The following KCNIP4 variants were observed in gnomAD, a reference collection of about 807,000 sequenced individuals.
KCNIP4 encodes the protein potassium voltage-gated channel interacting protein 4, also known as Kv channel-interacting protein 4.
Under a neutral mutation model 34.0 loss-of-function variants are expected in KCNIP4, and 12 were observed. The observed-to-expected ratio is 0.35, with a 90% CI of 0.23 to 0.57. KCNIP4 has a LOEUF of 0.57. KCNIP4 is among the 20% of genes least tolerant of loss of function. The pLI is 0.83. For synonymous variants in KCNIP4, 124 were observed against 102.2 expected (o/e 1.21, Z -1.29); for missense variants, 238 against 311.7 (o/e 0.76, Z 1.78).
chr4:21,029,474 A>G (rs1740825067), intron 1 of KCNIP4, among the ~76,000 whole-genome samples: 1 of 152,202 alleles, frequency 6.6e-6, no homozygotes, highest in Non-Finnish European at 1.5e-5. Context: ...TGCAAATTCT[A>G]AGTTATGGAC....
intron 1 of KCNIP4, among the ~76,000 whole-genome samples, chr4:21,165,568 T>C (rs1560775108): frequency 6.6e-6 from 1 of 151,234 alleles, no homozygotes; most frequent in Non-Finnish European, 1.5e-5. Context: ...GCATCATAGA[T>C]CTAAATATAA....
intron 1 of KCNIP4, among the ~76,000 whole-genome samples, chr4:21,559,358 C>T (rs192357776): frequency 6.6e-6 from 1 of 152,224 alleles, no homozygotes; most frequent in African/African-American, 2.4e-5. Context: ...TGCTTTTATT[C>T]ATTCGATGAT....
At chr4:21,202,251 C>T (rs1455599697) in intron 1 of KCNIP4, among the ~76,000 whole-genome samples, 4 of 152,214 alleles carry the variant, frequency 2.6e-5, no homozygotes, top group Admixed American at 1.3e-4. Flanking sequence ...TGCAGCCATA[C>T]AAAAGAGCAA....
chr4:21,222,845 T>C (rs1306086931), intron 1 of KCNIP4, among the ~76,000 whole-genome samples: 1 of 152,192 alleles, frequency 6.6e-6, no homozygotes, highest in Non-Finnish European at 1.5e-5. Flanking sequence ...TGTTTTGCAA[T>C]ATTGCCTACC....
chr4:21,502,102 C>T (rs969293820), intron 1 of KCNIP4, among the ~76,000 whole-genome samples: 4 of 151,606 alleles, frequency 2.6e-5, no homozygotes, highest in African/African-American at 9.7e-5. Flanking sequence ...CCCTGGAGTC[C>T]CCAAATTAAG....
intron 1 of KCNIP4, among the ~76,000 whole-genome samples, chr4:21,192,940 CTACTACTACTACTAA>C (rs1755769446): frequency 6.9e-6 from 1 of 145,248 alleles, no homozygotes. Context: ...ACTACTACTA[CTACTACTACTACTAA>C]TAATAATAAT....
chr4:21,501,688 T>TTGTGTGTGTATGTGTGTGTGTGTGTGTG lies in KCNIP4; in HGVS notation c.61+446882_61+446883insCACACACACACACACACATACACACACA, dbSNP rs1553893353. Among the ~76,000 whole-genome samples, 168 of 127,318 alleles carry TTGTGTGTGTATGTGTGTGTGTGTGTGTG rather than the reference T, an allele frequency of 1.3e-3. 1 individual carries two copies. The South Asian group carries it at 0.014, about 11-fold the overall frequency. 83.5% of individuals were successfully genotyped at this position (127,318 alleles called of 152,430 possible). On this transcript the variant is annotated intron_variant, in intron 1 of 8. Transcript: ENST00000382152. ...TTCACATTTTGGGAATGCAGAAGCC[T>TTGTGTGTGTATGTGTGTGTGTGTGTGTG]TGTGTGTGTGTGTGTGTGTGTGTGT...
chr4:20,895,067 T>C (rs7661379), intron 1 of KCNIP4, among the ~76,000 whole-genome samples: 2,900 of 152,314 alleles, frequency 0.019, 104 homozygotes, highest in African/African-American at 0.065. Flanking sequence ...ATGTGAACAC[T>C]TGTTCATCTG....
At chr4:21,132,760 G>A (rs1751170009) in intron 1 of KCNIP4, among the ~76,000 whole-genome samples, 1 of 151,096 alleles carries the variant, frequency 6.6e-6, no homozygotes, top group African/African-American at 2.4e-5. Context: ...TGTAATCCTA[G>A]CACTTTGGGA....
chr4:21,281,480 T>C (rs1269979928), intron 1 of KCNIP4, among the ~76,000 whole-genome samples: 1 of 152,184 alleles, frequency 6.6e-6, no homozygotes, highest in African/African-American at 2.4e-5. Context: ...ATCTGATTGA[T>C]GTGTCAAGTT....
At chr4:21,449,636 G>GTATATATATATATATATATGTA (rs200001446) in intron 1 of KCNIP4, among the ~76,000 whole-genome samples, 19 of 147,424 alleles carry the variant, frequency 1.3e-4, no homozygotes, top group African/African-American at 4.2e-4. Flanking sequence ...TTATATATAT[G>GTATATATATATATATATATGTA]TATATATATA....
chr4:20,751,930 G>GC (rs1159275959), intron 4 of KCNIP4, among the ~76,000 whole-genome samples: 1 of 152,072 alleles, frequency 6.6e-6, no homozygotes, highest in Non-Finnish European at 1.5e-5. Context: ...GAGTCAGACT[G>GC]CCTGAATTTC....
chr4:21,783,026 G>A (rs964799038), intron 1 of KCNIP4, among the ~76,000 whole-genome samples: 3 of 152,136 alleles, frequency 2.0e-5, no homozygotes, highest in Admixed American at 2.0e-4. Context: ...AGGAGGTGGA[G>A]GTAATGATAA....
chr4:21,385,461 C>A (rs767151242), intron 1 of KCNIP4, among the ~76,000 whole-genome samples: 1 of 152,070 alleles, frequency 6.6e-6, no homozygotes, highest in South Asian at 2.1e-4. Flanking sequence ...TACCGGAATG[C>A]CTGTATTTGA....
intron 1 of KCNIP4, among the ~76,000 whole-genome samples, chr4:21,410,296 C>T (rs1724375130): frequency 6.6e-6 from 1 of 152,164 alleles, no homozygotes; most frequent in African/African-American, 2.4e-5. Flanking sequence ...ACGGTCTTGC[C>T]TTGCACAGGT....
rs548644120 is a variant in KCNIP4 at position 21,150,751 on chromosome 4, G to T, written c.62-268042C>A. The stretch of plus-strand genomic sequence containing the variant: ...TACTAGCCCCACATTCTGTAATTCT[G>T]CCCTGGCAGAAAAATGGACCTAAAT... On this transcript the variant is annotated intron_variant, in intron 1 of 8. Coordinates refer to ENST00000382152, the MANE Select transcript of KCNIP4 (RefSeq NM_025221.6). Among the ~76,000 whole-genome samples, 8 of 152,276 alleles carry T rather than the reference G, an allele frequency of 5.3e-5. No individual in the cohort carries two copies. The South Asian group carries it at 1.7e-3, about 32-fold the overall frequency.
intron 1 of KCNIP4, among the ~76,000 whole-genome samples, chr4:21,640,484 T>C (rs921827090): frequency 1.3e-5 from 2 of 152,128 alleles, no homozygotes; most frequent in Non-Finnish European, 2.9e-5. Flanking sequence ...CAATCTAACA[T>C]TCCAGTCTCC....
intron 1 of KCNIP4, among the ~76,000 whole-genome samples, chr4:21,576,542 C>G (rs1216761482): frequency 6.6e-6 from 1 of 152,128 alleles, no homozygotes; most frequent in East Asian, 1.9e-4. Flanking sequence ...CCTAAAATTG[C>G]TGAGTGCACT....
chr4:21,065,307 A>G (rs780297378), intron 1 of KCNIP4, among the ~76,000 whole-genome samples: 13 of 152,148 alleles, frequency 8.5e-5, no homozygotes, highest in Non-Finnish European at 1.8e-4. Context: ...AGTATCTGGC[A>G]CAGCCTTGGC....
Sources: gnomAD v4.1 joint callset for allele counts (sites outside exome capture counted in the v4.1 genomes callset) on GRCh38, gnomAD v4.1.1 for gene constraint, MANE v1.5 for transcripts, NCBI Gene and HGNC (gene_info 2026-07-23, HGNC 2026-07-21) for gene names.